HPSE2: variants seen among roughly 807,000 people sequenced by gnomAD.
The protein encoded by HPSE2 is heparanase 2 (inactive).
A neutral mutation model predicts 60.5 loss-of-function variants in HPSE2; 38 were observed. That is an observed-to-expected ratio of 0.63 (90% CI 0.48 to 0.82). The LOEUF is 0.82. Ranked by LOEUF, HPSE2 falls within the 40% of genes least tolerant of loss-of-function variation. The pLI, the probability that HPSE2 is intolerant of heterozygous loss-of-function variation, is 0.00. For missense variants in HPSE2, 713 were observed against 740.4 expected, an observed-to-expected ratio of 0.96 and a Z score of 0.43; for synonymous variants, 295 against 293.2, an observed-to-expected ratio of 1.01 and a Z score of -0.06.
At chr10:98,910,438 G>A (rs1953948405) in intron 3 of HPSE2, among the ~76,000 whole-genome samples, 1 of 152,186 alleles carries the variant, frequency 6.6e-6, no homozygotes, top group South Asian at 2.1e-4. Flanking sequence ...AGGGCTGCCA[G>A]CAATGTTCCA....
intron 9 of HPSE2, among the ~76,000 whole-genome samples, chr10:98,542,268 C>T (rs1320756745): frequency 6.6e-6 from 1 of 152,176 alleles, no homozygotes; most frequent in African/African-American, 2.4e-5. Context: ...GCTGAGGGTC[C>T]TGTCTGCTAG....
intron 11 of HPSE2, among the ~76,000 whole-genome samples, chr10:98,478,620 T>G (rs1941116662): frequency 6.6e-6 from 1 of 152,350 alleles, no homozygotes; most frequent in African/African-American, 2.4e-5. Flanking sequence ...CTATCTCTTT[T>G]AAATTGCACT....
intron 3 of HPSE2, among the ~76,000 whole-genome samples, chr10:98,803,595 T>C (rs2134537808): frequency 1.3e-5 from 2 of 152,188 alleles, no homozygotes; most frequent in Middle Eastern, 6.8e-3. Flanking sequence ...TCCCCATTGC[T>C]TGTTTTTCTC....
intron 3 of HPSE2, among the ~76,000 whole-genome samples, chr10:98,757,589 T>C (rs149084059): frequency 5.9e-5 from 9 of 151,872 alleles, no homozygotes; most frequent in Non-Finnish European, 1.2e-4. Flanking sequence ...ACCATAGCCA[T>C]AAAAAAATTA....
At chr10:99,103,045 T>C (rs1362049298) in intron 3 of HPSE2, among the ~76,000 whole-genome samples, 1 of 152,166 alleles carries the variant, frequency 6.6e-6, no homozygotes, top group Non-Finnish European at 1.5e-5. Flanking sequence ...GGGCAAAAAC[T>C]GGAAGCATTC....
chr10:98,548,182 C>T (rs1223844778), intron 9 of HPSE2, among the ~76,000 whole-genome samples: 1 of 152,134 alleles, frequency 6.6e-6, no homozygotes, highest in Non-Finnish European at 1.5e-5. Context: ...GAACATATTA[C>T]TCACTTCTAA....
At chr10:99,181,392 C>T (rs28885155) in intron 2 of HPSE2, among the ~76,000 whole-genome samples, 11,286 of 74,836 alleles carry the variant, frequency 0.15, 726 homozygotes, top group Admixed American at 0.23. Context: ...AGCGAGACTC[C>T]GTCTCAAAAA....
rs1481713757 is a variant in HPSE2 at position 98,615,003 on chromosome 10, T to C, written c.1221A>G (p.Leu407=). The C allele has an allele frequency of 6.2e-7, 1 of 1,613,442 alleles. No individual in the cohort carries two copies. Among genetic ancestry groups the C allele is most frequent in the Non-Finnish European group, 8.5e-7 (1 of 1,179,414 alleles). ...YAAGFLWLNT[L]GMLANQGIDV... The stretch of plus-strand genomic sequence containing the variant: ...CAATGCCCTGATTGGCCAGCATTCC[T>C]AAAGTGTTCAACCATCTAAAAGGCA... The change falls in exon 9 of 12, where the codon TTA becomes TTG. Residue 407 remains leucine (L), a synonymous_variant. Coordinates refer to ENST00000370552, the MANE Select transcript of HPSE2 (RefSeq NM_021828.5).
At chr10:98,713,180 T>C (rs1177628467) in intron 5 of HPSE2, among the ~76,000 whole-genome samples, 1 of 151,986 alleles carries the variant, frequency 6.6e-6, no homozygotes, top group African/African-American at 2.4e-5. Context: ...TGGTAGAAGA[T>C]AAAAATGAAG....
chr10:98,491,298 C>T (rs1213419686), intron 9 of HPSE2, among the ~76,000 whole-genome samples: 1 of 152,036 alleles, frequency 6.6e-6, no homozygotes, highest in African/African-American at 2.4e-5. Flanking sequence ...TCTCAAAGCC[C>T]CTTTGCCACT....
At chr10:98,640,031 T>C (rs1436715029) in intron 7 of HPSE2, among the ~76,000 whole-genome samples, 1 of 152,172 alleles carries the variant, frequency 6.6e-6, no homozygotes, top group African/African-American at 2.4e-5. Flanking sequence ...TGACAGAAAA[T>C]TCTTCCCTCC....
intron 4 of HPSE2, among the ~76,000 whole-genome samples, chr10:98,740,622 T>C (rs1478033373): frequency 6.6e-6 from 1 of 152,184 alleles, no homozygotes; most frequent in East Asian, 1.9e-4. Flanking sequence ...TCACTTAAAG[T>C]TTAGCCACTC....
At chr10:99,265,334 T>C in the HPSE2 span, among the ~76,000 whole-genome samples, 1 of 152,216 alleles carries the variant, frequency 6.6e-6, no homozygotes, top group South Asian at 2.1e-4. Flanking sequence ...TACAGCCTTG[T>C]TGCTCACACA....
intron 3 of HPSE2, among the ~76,000 whole-genome samples, chr10:98,836,405 C>T (rs1951791217): frequency 6.6e-6 from 1 of 152,190 alleles, no homozygotes. Context: ...AGCACAGAAC[C>T]CAGAATGCTT....
the HPSE2 span, among the ~76,000 whole-genome samples, chr10:99,249,621 T>G: frequency 6.6e-6 from 1 of 152,158 alleles, no homozygotes; most frequent in African/African-American, 2.4e-5. Context: ...TGGGAGACTG[T>G]TAAGAAGGGA....
upstream of HPSE2, among the ~76,000 whole-genome samples, chr10:99,240,789 G>A (rs997436147): frequency 2.0e-5 from 3 of 151,956 alleles, no homozygotes; most frequent in Non-Finnish European, 4.4e-5. Flanking sequence ...TCTATATGCC[G>A]CCTGCCCTTT....
At chr10:98,645,705 G>A (rs1372283350) in intron 6 of HPSE2, among the ~76,000 whole-genome samples, 2 of 152,140 alleles carry the variant, frequency 1.3e-5, no homozygotes, top group African/African-American at 2.4e-5. Context: ...ATGGCCAGGC[G>A]TGGTGGCTCA....
At chr10:99,082,557 G>A (rs1368057559) in intron 3 of HPSE2, among the ~76,000 whole-genome samples, 1 of 152,116 alleles carries the variant, frequency 6.6e-6, no homozygotes, top group East Asian at 1.9e-4. Context: ...TATATACCCA[G>A]CCTCAGCTAC....
chr10:99,314,662 G>A, the HPSE2 span, among the ~76,000 whole-genome samples: 1 of 152,176 alleles, frequency 6.6e-6, no homozygotes, highest in Non-Finnish European at 1.5e-5. Context: ...TGAGATTAAT[G>A]TGGATTTTAT....
Sources: allele counts gnomAD v4.1 joint callset (sites outside exome capture counted in the v4.1 genomes callset), GRCh38; gene constraint gnomAD v4.1.1; transcripts MANE v1.5; gene names NCBI Gene and HGNC (gene_info 2026-07-23, HGNC 2026-07-21).